Variants in HYPK observed in about 807,000 individuals in gnomAD.
HYPK encodes huntingtin interacting protein K.
HYPK carries 9 observed loss-of-function variants against 13.9 expected under a neutral mutation model. The ratio of observed to expected loss-of-function variants is 0.65; its 90% confidence interval spans 0.39 to 1.13. The LOEUF (loss-of-function observed/expected upper bound fraction) is 1.13, where lower values mean the gene tolerates loss of function less well. Ranked by LOEUF, HYPK falls within the 50% of genes most tolerant of loss-of-function variation. The probability of loss-of-function intolerance (pLI) is 0.01; values close to 1 mark genes in which losing one functional copy is unlikely to be tolerated. For synonymous variants in HYPK, 76 were observed against 57.0 expected (o/e 1.33, Z -1.50); for missense variants, 138 against 157.6 (o/e 0.88, Z 0.67).
intron 1 of HYPK, 78 bp downstream of exon 1, chr15:43,800,862 C>G (rs2141698971): frequency 1.5e-6 from 2 of 1,361,132 alleles, no homozygotes; most frequent in African/African-American, 1.4e-5. Context: ...AGCCAGCGCT[C>G]CAAGACGGGG....
In HYPK at chr15:43,801,206, C is replaced by G. The variant is rs1196008387; in HGVS notation, c.218+19C>G. 1.2e-6 allele frequency: 2 copies of G among 1,606,462 alleles called. No homozygotes were observed. The highest frequency in any genetic ancestry group is 3.3e-5 in the Admixed American group (2 of 59,986). ...AGGAGCGGTAAGTCTTCAGGGGCAG[C>G]CAACTTTAACAGTTCTTCCCTCCCC... On this transcript the variant is annotated intron_variant, in intron 2 of 3. Coordinates refer to ENST00000442995, the MANE Select transcript of HYPK (RefSeq NM_016400.4).
In HYPK at chr15:43,801,846, G is replaced by A; in HGVS notation, c.*40G>A. 6.3e-7 allele frequency: 1 copy of A among 1,581,084 alleles called. No homozygotes were observed. The highest frequency in any genetic ancestry group is 8.7e-7 in the Non-Finnish European group (1 of 1,152,384). ...AATATACCTACTGGATTAATTTATG[G>A]CAATAAAATTTTTTTTTGTCTTTTT... is the stretch of plus-strand genomic sequence containing the variant. On this transcript the variant is annotated 3_prime_UTR_variant, in exon 4 of 4. Coordinates refer to ENST00000442995, the MANE Select transcript of HYPK (RefSeq NM_016400.4).
At chr15:43,801,225 C>T in intron 2 of HYPK, 38 bp downstream of exon 2, 1 of 1,533,106 alleles carries the variant, frequency 6.5e-7, no homozygotes, top group South Asian at 1.1e-5. Flanking sequence ...ACAGTTCTTC[C>T]CTCCCCGGTC....
In HYPK at chr15:43,801,127, C is replaced by T. The variant is rs369798895; in HGVS notation, c.163-5C>T. The T allele has an allele frequency of 2.5e-6, 4 of 1,613,456 alleles. No individual in the cohort carries two copies. The South Asian group carries it at 3.3e-5, about 13-fold the overall frequency. On this transcript the variant is annotated splice_region_variant and splice_polypyrimidine_tract_variant and intron_variant, in intron 1 of 3. Transcript: ENST00000442995. ...GTGCAGTAACTAGACCTGCCTTTCC[C>T]ATAGGCCATGTCTGTGATTGGAGAC...
chr15:43,802,088 T>A lies in HYPK; in HGVS notation c.*282T>A, dbSNP rs1247928663. 1 of 418,244 alleles carries A rather than the reference T, an allele frequency of 2.4e-6. No homozygotes were observed. The highest frequency in any genetic ancestry group is 3.8e-5 in the Admixed American group (1 of 26,632). The allele number at this position is 418,244 out of a possible 1,614,324, so 25.9% of individuals were successfully genotyped here. A position where few individuals can be genotyped will look rare whatever the true frequency, so the allele number is the denominator to read the frequency against. On this transcript the variant is annotated 3_prime_UTR_variant, in exon 4 of 4. Coordinates refer to ENST00000442995, the MANE Select transcript of HYPK (RefSeq NM_016400.4). Reference sequence around the variant, plus strand: ...AACAGTATTCAAGGTACATCTGGAGTCTCAGCAGAGTTACTGTACTCAAAT... The same window carrying A: ...AACAGTATTCAAGGTACATCTGGAGACTCAGCAGAGTTACTGTACTCAAAT...
rs2087310190 is a variant in HYPK, at chr15:43,801,190, A to G, written c.218+3A>G. The G allele has an allele frequency of 1.9e-6, 3 of 1,613,420 alleles. No homozygotes were observed. The highest frequency in any genetic ancestry group is 1.7e-6 in the Non-Finnish European group (2 of 1,179,514). ...GAGCAGAAAGCCAAACAGGAGCGGT[A>G]AGTCTTCAGGGGCAGCCAACTTTAA... is the stretch of plus-strand genomic sequence containing the variant. On this transcript the variant is annotated splice_donor_region_variant and intron_variant, in intron 2 of 3. Coordinates refer to ENST00000442995, the MANE Select transcript of HYPK (RefSeq NM_016400.4).
chr15:43,802,012 CAT>C lies in HYPK; in HGVS notation c.*207_*208del, dbSNP rs2087323765. Reference sequence around the variant, plus strand: ...GAAAAATCAGTGTAGAAGAATACCTCATGTGCAGATGCTAGGTGGCAGGCCAG... The same window carrying C: ...GAAAAATCAGTGTAGAAGAATACCTCGTGCAGATGCTAGGTGGCAGGCCAG... On this transcript the variant is annotated 3_prime_UTR_variant, in exon 4 of 4. Coordinates refer to ENST00000442995, the MANE Select transcript of HYPK (RefSeq NM_016400.4). The C allele has an allele frequency of 1.7e-6, 1 of 576,846 alleles. No individual in the cohort carries two copies. The highest frequency in any genetic ancestry group is 3.1e-6 in the Non-Finnish European group (1 of 324,660). The allele number at this position is 576,846 out of a possible 1,614,324, so 35.7% of individuals were successfully genotyped here. A position where few individuals can be genotyped will look rare whatever the true frequency, so the allele number is the denominator to read the frequency against.
chr15:43,801,376 G>A (rs1390352325), intron 2 of HYPK, 142 bp from the exon 3 acceptor site: 3 of 865,542 alleles, frequency 3.5e-6, no homozygotes, highest in Admixed American at 4.9e-5. Context: ...GACTCCAGGG[G>A]AAAGGAGTAT....
At position 43,801,773 on chromosome 15, in the gene HYPK, C is replaced by T. The variant is rs1412779464; in HGVS notation, c.333C>T (p.Asn111=). 9.3e-6 allele frequency: 15 copies of T among 1,614,086 alleles called. No individual in the cohort carries two copies. Among genetic ancestry groups the T allele is most frequent in the Non-Finnish European group, 1.3e-5 (15 of 1,180,034 alleles). Residue 111 remains asparagine (N), a synonymous_variant, in exon 4 of 4, where the codon AAC becomes AAT. Coordinates refer to ENST00000442995, the MANE Select transcript of HYPK (RefSeq NM_016400.4). ...AERSLREHMG[N]VVEALIALTN is the part of the protein sequence containing the mutation. ...GCAGTTTGCGGGAACACATGGGCAA[C>T]GTGGTAGAGGCGCTTATTGCCCTAA...
Position 43,802,003 on chromosome 15 carries a change from A to G in HYPK, c.*197A>G. On this transcript the variant is annotated 3_prime_UTR_variant, in exon 4 of 4. Coordinates refer to ENST00000442995, the MANE Select transcript of HYPK (RefSeq NM_016400.4). Reference sequence around the variant, plus strand: ...CACCTGTATGAAAAATCAGTGTAGAAGAATACCTCATGTGCAGATGCTAGG... The same window carrying G: ...CACCTGTATGAAAAATCAGTGTAGAGGAATACCTCATGTGCAGATGCTAGG... The G allele has an allele frequency of 6.8e-6, 4 of 589,826 alleles. No homozygotes were observed. Among genetic ancestry groups the G allele is most frequent in the Non-Finnish European group, 1.2e-5 (4 of 332,942 alleles). 36.5% of individuals were successfully genotyped at this position (589,826 alleles called of 1,614,324 possible). A position where few individuals can be genotyped will look rare whatever the true frequency, so the allele number is the denominator to read the frequency against.
intron 2 of HYPK, 120 bp from the exon 3 acceptor site, chr15:43,801,398 T>C: frequency 1.0e-6 from 1 of 980,010 alleles, no homozygotes; most frequent in Non-Finnish European, 1.5e-6. Flanking sequence ...AGTGGGAGTT[T>C]TTATTTTCAA....
chr15:43,800,561 CTG>C (rs548697011), upstream of HYPK: 218 of 1,608,722 alleles, frequency 1.4e-4, no homozygotes, highest in African/African-American at 2.4e-3. Flanking sequence ...CGGGCGGAAG[CTG>C]TGTCAGTTGC....
At chr15:43,801,338 A>G (rs2087312794) in intron 2 of HYPK, 151 bp downstream of exon 2, 1 of 858,282 alleles carries the variant, frequency 1.2e-6, no homozygotes, top group South Asian at 1.6e-5. Context: ...TTGTTAGCAG[A>G]AGGCCTCCTG....
In HYPK at chr15:43,803,397, A is replaced by G. The variant is rs976376573; in HGVS notation, c.*1591A>G. 6.6e-6 allele frequency among the ~76,000 whole-genome samples: 1 copy of G among 152,126 alleles called. No individual in the cohort carries two copies. The highest frequency in any genetic ancestry group is 2.4e-5 in the African/African-American group (1 of 41,418). Reference sequence around the variant, plus strand: ...GACAGAGCAAGACTGTCTCAAAACGAAAAAAACCTATGAAAGGTTTTGATT... The same window carrying G: ...GACAGAGCAAGACTGTCTCAAAACGGAAAAAACCTATGAAAGGTTTTGATT... On this transcript the variant is annotated 3_prime_UTR_variant, in exon 4 of 4. Transcript: ENST00000442995.
Position 43,801,935 on chromosome 15 carries a change from G to A in HYPK, c.*129G>A. 1.4e-6 allele frequency: 1 copy of A among 716,930 alleles called. No individual in the cohort carries two copies. The highest frequency in any genetic ancestry group is 2.3e-6 in the Non-Finnish European group (1 of 429,400). 44.4% of individuals were successfully genotyped at this position (716,930 alleles called of 1,614,324 possible). A position where few individuals can be genotyped will look rare whatever the true frequency, so the allele number is the denominator to read the frequency against. ...ATCCTATGTTGTGGAGAATTTATAT[G>A]TTGGAGACTAACTGAATTTAAGTGA... On this transcript the variant is annotated 3_prime_UTR_variant, in exon 4 of 4. Transcript: ENST00000442995.
rs1346412447 is a variant in HYPK, at chr15:43,803,219, T to C, written c.*1413T>C. 2.8e-5 allele frequency among the ~76,000 whole-genome samples: 4 copies of C among 141,908 alleles called. No homozygotes were observed. The highest frequency in any genetic ancestry group is 6.1e-5 in the Non-Finnish European group (4 of 65,194). The allele number at this position is 141,908 out of a possible 152,430, so 93.1% of individuals were successfully genotyped here. A position where few individuals can be genotyped will look rare whatever the true frequency, so the allele number is the denominator to read the frequency against. On this transcript the variant is annotated 3_prime_UTR_variant, in exon 4 of 4. Transcript: ENST00000442995. Reference sequence around the variant, plus strand: ...GCCTGGGCAACATAGCATGACCTTGTCTCTACTAAAATTAAAAAAAAAAAA... The same window carrying C: ...GCCTGGGCAACATAGCATGACCTTGCCTCTACTAAAATTAAAAAAAAAAAA...
chr15:43,800,519 G>A, upstream of HYPK: 6 of 1,437,738 alleles, frequency 4.2e-6, no homozygotes, highest in Admixed American at 7.7e-5. Context: ...GCAGAAAGAA[G>A]GTGTGGCCCA....
rs575758621 is a variant in HYPK, at chr15:43,800,887, G to A, written c.162+103G>A. The A allele has an allele frequency of 1.5e-5, 17 of 1,154,744 alleles. No homozygotes were observed. In the African/African-American group the frequency reaches 2.1e-4, roughly 15 times the overall value. 71.5% of individuals were successfully genotyped at this position (1,154,744 alleles called of 1,614,324 possible). On this transcript the variant is annotated intron_variant, in intron 1 of 3. Coordinates refer to ENST00000442995, the MANE Select transcript of HYPK (RefSeq NM_016400.4). Reference sequence around the variant, plus strand: ...CCAAGACGGGGTTCTGATCCCGTTGGCAGGAGGAGGCAATAGGGTAGAGCC... The same window carrying A: ...CCAAGACGGGGTTCTGATCCCGTTGACAGGAGGAGGCAATAGGGTAGAGCC...
At position 43,801,941 on chromosome 15, in the gene HYPK, GACTA is replaced by G. The variant is rs1267812972; in HGVS notation, c.*139_*142del. 1.6e-5 allele frequency: 11 copies of G among 696,810 alleles called. 1 individual carries two copies. In the South Asian group the frequency reaches 2.0e-4, roughly 13 times the overall value. The allele number at this position is 696,810 out of a possible 1,614,324, so 43.2% of individuals were successfully genotyped here. On this transcript the variant is annotated 3_prime_UTR_variant, in exon 4 of 4. Transcript: ENST00000442995. ...TGTTGTGGAGAATTTATATGTTGGAGACTAACTGAATTTAAGTGACCCATTAAAA... is the reference window on the plus strand; with the variant it reads ...TGTTGTGGAGAATTTATATGTTGGAGACTGAATTTAAGTGACCCATTAAAA...
Sources: allele counts gnomAD v4.1 joint callset (sites outside exome capture counted in the v4.1 genomes callset), GRCh38; gene constraint gnomAD v4.1.1; transcripts MANE v1.5; gene names NCBI Gene and HGNC (gene_info 2026-07-23, HGNC 2026-07-21).